Variants in TAP1 observed in about 807,000 individuals in gnomAD.
TAP1 encodes the protein antigen peptide transporter 1.
A neutral mutation model predicts 79.3 loss-of-function variants in TAP1; 56 were observed. That is an observed-to-expected ratio of 0.71 (90% CI 0.57 to 0.88). The LOEUF (loss-of-function observed/expected upper bound fraction) is 0.88, where lower values mean the gene tolerates loss of function less well. Among genes scored for constraint, TAP1 ranks in the 40% least tolerant of loss-of-function variants. The pLI is 0.00. For synonymous variants in TAP1, 355 were observed against 401.4 expected, an observed-to-expected ratio of 0.88 and a Z score of 1.38; for missense variants, 737 against 936.3, an observed-to-expected ratio of 0.79 and a Z score of 2.78.
chr6:32,853,318 G>A lies in TAP1; in HGVS notation c.319C>T (p.Leu107=). Residue 107 remains leucine, a synonymous_variant, in exon 1 of 11, where the codon CTG becomes TTG. Transcript: ENST00000354258. The surrounding 1 kb of genome is among the most constrained non-coding windows in gnomAD (Gnocchi z 8.3). ...TCTCGGAACAAGGCAAGTCCCGGCA[G>A]GGCCAAGCCCAGTGCCGCAGCTAAT... is the stretch of plus-strand genomic sequence containing the variant. ...KPLAAALGLA[L]PGLALFRELI... 6.3e-7 allele frequency: 1 copy of A among 1,580,278 alleles called. No homozygotes were observed. Among genetic ancestry groups the A allele is most frequent in the South Asian group, 1.1e-5 (1 of 87,804 alleles).
At position 32,845,823 on chromosome 6, in the gene TAP1, C is replaced by T; in HGVS notation, c.2041-38G>A. 1 of 1,576,382 alleles carries T rather than the reference C, an allele frequency of 6.3e-7. No individual in the cohort carries two copies. The highest frequency in any genetic ancestry group is 8.6e-7 in the Non-Finnish European group (1 of 1,156,966). ...ATCGGACCGTCAGAGCCGGGGACTA[C>T]CCTCAGCCCAGGGAGACACCTGTGT... is the stretch of plus-strand genomic sequence containing the variant. On this transcript the variant is annotated intron_variant, in intron 10 of 10. Coordinates refer to ENST00000354258, the MANE Select transcript of TAP1 (RefSeq NM_000593.6). This position sits in a 1 kb window ranked among gnomAD's most constrained non-coding sequence, Gnocchi z 4.5.
rs781034868 is a variant in TAP1 at position 32,849,133 on chromosome 6, CA to C, written c.1249-16del. On this transcript the variant is annotated splice_polypyrimidine_tract_variant and intron_variant, in intron 5 of 10. Coordinates refer to ENST00000354258, the MANE Select transcript of TAP1 (RefSeq NM_000593.6). ...ATACCTGAAATCTATAAAGAGACCACAAAAAAAGGGACTGAGGTAGAGAAAT... is the reference window on the plus strand; with the variant it reads ...ATACCTGAAATCTATAAAGAGACCACAAAAAAGGGACTGAGGTAGAGAAAT... 10 of 1,568,468 alleles carry C rather than the reference CA, an allele frequency of 6.4e-6. No homozygotes were observed. The highest frequency in any genetic ancestry group is 4.7e-5 in the South Asian group (4 of 85,590).
At chr6:32,849,997 T>G (rs2395269) in intron 5 of TAP1, 72,799 of 469,180 alleles carry the variant, frequency 0.16, 6,328 homozygotes, top group South Asian at 0.27. Context: ...CATGAAGCAG[T>G]CCCAGGTGCA....
rs1227126352 is a variant in TAP1 at position 32,853,311 on chromosome 6, C to A, written c.326G>T (p.Gly109Val). 1 of 1,579,228 alleles carries A rather than the reference C, an allele frequency of 6.3e-7. No individual in the cohort carries two copies. Among genetic ancestry groups the A allele is most frequent in the Non-Finnish European group, 8.6e-7 (1 of 1,162,086 alleles). Residue 109 changes from glycine (G) to valine (V), a missense_variant, in exon 1 of 11, where the codon GGA becomes GTA. Gly to Val is a moderately radical substitution (Grantham distance 109, BLOSUM62 -3). Coordinates refer to ENST00000354258, the MANE Select transcript of TAP1 (RefSeq NM_000593.6). This position sits in a 1 kb window ranked among gnomAD's most constrained non-coding sequence, Gnocchi z 8.3. ...LAAALGLALP[G>V]LALFRELISW... is the part of the protein sequence containing the mutation. ...GATCAGCTCTCGGAACAAGGCAAGT[C>A]CCGGCAGGGCCAAGCCCAGTGCCGC...
In TAP1 at chr6:32,851,924, T is replaced by TGTGAGAGAGAGAGAGAGAGA. The variant is rs1554246364; in HGVS notation, c.844+184_844+185insTCTCTCTCTCTCTCTCTCAC. Among the ~76,000 whole-genome samples, 12 of 147,436 alleles carry TGTGAGAGAGAGAGAGAGAGA rather than the reference T, an allele frequency of 8.1e-5. No individual in the cohort carries two copies. Among genetic ancestry groups the TGTGAGAGAGAGAGAGAGAGA allele is most frequent in the Non-Finnish European group, 1.5e-4 (10 of 66,856 alleles). ...AAAAACAATTGTGTGTGTGTGTGTG[T>TGTGAGAGAGAGAGAGAGAGA]GAGAGAGAGAGAGAGAGAGACAGAG... On this transcript the variant is annotated intron_variant, in intron 3 of 10. Coordinates refer to ENST00000354258, the MANE Select transcript of TAP1 (RefSeq NM_000593.6). The surrounding 1 kb of genome is among the most constrained non-coding windows in gnomAD (Gnocchi z 4.8).
chr6:32,850,905 T>G lies in TAP1; in HGVS notation c.1050+39A>C, dbSNP rs1304099533. 1.9e-6 allele frequency: 3 copies of G among 1,573,710 alleles called. No individual in the cohort carries two copies. In the South Asian group the frequency reaches 3.3e-5, roughly 17 times the overall value. Reference sequence around the variant, plus strand: ...AACTGAGTCTGCCAAGTCTGGGAGATGAGGGTCTGTGTAGAGCGGGCCAAC... The same window carrying G: ...AACTGAGTCTGCCAAGTCTGGGAGAGGAGGGTCTGTGTAGAGCGGGCCAAC... On this transcript the variant is annotated intron_variant, in intron 4 of 10. Transcript: ENST00000354258. The surrounding 1 kb of genome is among the most constrained non-coding windows in gnomAD (Gnocchi z 5.5).
intron 10 of TAP1, 68 bp downstream of exon 10, chr6:32,846,979 ATAATTATGATGTTAGTAAAAC>A: frequency 2.5e-5 from 40 of 1,585,022 alleles, no homozygotes; most frequent in Non-Finnish European, 3.3e-5. Flanking sequence ...ACTGGTTTGT[ATAATTATGATGTTAGTAAAAC>A]TAACAGAAGA....
chr6:32,845,729 G>A lies in TAP1; in HGVS notation c.2097C>T (p.Ile699=). ...PERYSRSVLL[I]TQHLSLVEQA... is the part of the protein sequence containing the mutation. ...GCTCCACCAGGCTGAGGTGCTGGGTGATGAGAAGCACTGAGCGGGAGTACC... is the reference window on the plus strand; with the variant it reads ...GCTCCACCAGGCTGAGGTGCTGGGTAATGAGAAGCACTGAGCGGGAGTACC... The change falls in exon 11 of 11, where the codon ATC becomes ATT. Residue 699 remains isoleucine (I), a synonymous_variant. Transcript: ENST00000354258. The surrounding 1 kb of genome is among the most constrained non-coding windows in gnomAD (Gnocchi z 4.5). 1 of 1,613,018 alleles carries A rather than the reference G, an allele frequency of 6.2e-7. No homozygotes were observed. Among genetic ancestry groups the A allele is most frequent in the Non-Finnish European group, 8.5e-7 (1 of 1,180,036 alleles).
chr6:32,853,138 C>A lies in TAP1; in HGVS notation c.499G>T (p.Gly167Cys). Residue 167 changes from glycine (G) to cysteine (C), a missense_variant, in exon 1 of 11, where the codon GGC becomes TGC. By Grantham distance (159) the Gly-to-Cys change is radical. Around this residue, in one of 5 missense-constraint regions of TAP1, gnomAD observed 406 missense variants for 477.2 expected, o/e 0.85. Coordinates refer to ENST00000354258, the MANE Select transcript of TAP1 (RefSeq NM_000593.6). The surrounding 1 kb of genome is among the most constrained non-coding windows in gnomAD (Gnocchi z 8.3). ...CGACGCACAGGGTTTCCAGAGCCGC[C>A]CTGACCGCCGGGCACCCAGAGGCTC... is the stretch of plus-strand genomic sequence containing the variant. ...LGSLWVPGGQ[G>C]GSGNPVRRLL... 1 of 1,612,710 alleles carries A rather than the reference C, an allele frequency of 6.2e-7. No individual in the cohort carries two copies. Among genetic ancestry groups the A allele is most frequent in the Non-Finnish European group, 8.5e-7 (1 of 1,179,924 alleles).
chr6:32,853,692 T>TGG lies in TAP1; in HGVS notation c.-58_-57dup, dbSNP rs1252727995. 1 of 1,572,504 alleles carries TGG rather than the reference T, an allele frequency of 6.4e-7. No individual in the cohort carries two copies. The highest frequency in any genetic ancestry group is 8.6e-7 in the Non-Finnish European group (1 of 1,162,362). ...GGGCCTGGGACTCTCCGCGCCCCGG[T>TGG]GGGGCCTGAAGCTCCGGGTACCGCC... On this transcript the variant is annotated 5_prime_UTR_variant, in exon 1 of 11. Coordinates refer to ENST00000354258, the MANE Select transcript of TAP1 (RefSeq NM_000593.6). The surrounding 1 kb of genome is among the most constrained non-coding windows in gnomAD (Gnocchi z 8.3).
rs769953762 is a variant in TAP1, at chr6:32,852,990, C to T, written c.598+49G>A. 8.3e-5 allele frequency: 129 copies of T among 1,561,698 alleles called. No individual in the cohort carries two copies. The highest frequency in any genetic ancestry group is 1.1e-4 in the Non-Finnish European group (124 of 1,157,270). On this transcript the variant is annotated intron_variant, in intron 1 of 10. Transcript: ENST00000354258. The surrounding 1 kb of genome is among the most constrained non-coding windows in gnomAD (Gnocchi z 4.8). The stretch of plus-strand genomic sequence containing the variant: ...CCTTACTGACAATTACCTTTGATTC[C>T]TGTCCCAGTCCCCTTGTGTCCTCCC...
chr6:32,851,782 G>A lies in TAP1; in HGVS notation c.844+327C>T, dbSNP rs1040855994. ...AAAATTTCCAGGTTTGAAATTCTAT[G>A]GTTTCTATCTAAGGATACATAGGAA... On this transcript the variant is annotated intron_variant, in intron 3 of 10. Coordinates refer to ENST00000354258, the MANE Select transcript of TAP1 (RefSeq NM_000593.6). The surrounding 1 kb of genome is among the most constrained non-coding windows in gnomAD (Gnocchi z 4.8). Among the ~76,000 whole-genome samples, 1 of 152,090 alleles carries A rather than the reference G, an allele frequency of 6.6e-6. No homozygotes were observed. The highest frequency in any genetic ancestry group is 6.6e-5 in the Admixed American group (1 of 15,266).
rs544350897 is a variant in TAP1, at chr6:32,850,426, G to A, written c.1142C>T (p.Ala381Val). Residue 381 changes from alanine (A) to valine (V), a missense_variant, in exon 5 of 11, where the codon GCC becomes GTC. Transcript: ENST00000354258. This position sits in a 1 kb window ranked among gnomAD's most constrained non-coding sequence, Gnocchi z 5.5. ...LSAMPTVRSF[A>V]NEEGEAQKFR... is the part of the protein sequence containing the mutation. ...CTTCTGGGCTTCGCCCTCCTCGTTG[G>A]CAAAGCTTCGAACTGTAGGCATGGC... The A allele has an allele frequency of 6.2e-7, 1 of 1,614,172 alleles. No individual in the cohort carries two copies. Among genetic ancestry groups the A allele is most frequent in the East Asian group, 2.2e-5 (1 of 44,884 alleles).
In TAP1 at chr6:32,852,705, G is replaced by T. The variant is rs548922738; in HGVS notation, c.599-203C>A. 2 of 1,463,926 alleles carry T rather than the reference G, an allele frequency of 1.4e-6. No homozygotes were observed. The highest frequency in any genetic ancestry group is 1.8e-6 in the Non-Finnish European group (2 of 1,114,130). 90.7% of individuals were successfully genotyped at this position (1,463,926 alleles called of 1,614,324 possible). ...GTGGTTGCTCTACCAGAACTTTCAG[G>T]ATTTTATTAGGAAGGCTGGAGATCA... On this transcript the variant is annotated intron_variant, in intron 1 of 10. Coordinates refer to ENST00000354258, the MANE Select transcript of TAP1 (RefSeq NM_000593.6). This position sits in a 1 kb window ranked among gnomAD's most constrained non-coding sequence, Gnocchi z 4.8.
chr6:32,847,697 A>G lies in TAP1; in HGVS notation c.1741-22T>C, dbSNP rs1770522344. 1.9e-6 allele frequency: 3 copies of G among 1,613,156 alleles called. No homozygotes were observed. In the East Asian group the frequency reaches 6.7e-5, roughly 36 times the overall value. ...CCACCTGAGATGAAATATGATGAAGAGTCATAGAACAAGGCACATGGGAGT... is the reference window on the plus strand; with the variant it reads ...CCACCTGAGATGAAATATGATGAAGGGTCATAGAACAAGGCACATGGGAGT... On this transcript the variant is annotated intron_variant, in intron 8 of 10. Transcript: ENST00000354258. The surrounding 1 kb of genome is among the most constrained non-coding windows in gnomAD (Gnocchi z 4.7).
At position 32,852,924 on chromosome 6, in the gene TAP1, CCTT is replaced by C. The variant is rs1770882077; in HGVS notation, c.598+112_598+114del. ...GTGTTCCAAGACCCACGCTAGGAGT[CCTT>C]CTCCTGCTCCACATTTCCCAGAACC... On this transcript the variant is annotated intron_variant, in intron 1 of 10. Transcript: ENST00000354258. The surrounding 1 kb of genome is among the most constrained non-coding windows in gnomAD (Gnocchi z 4.8). The C allele has an allele frequency of 6.7e-7, 1 of 1,487,016 alleles. No individual in the cohort carries two copies. Among genetic ancestry groups the C allele is most frequent in the Non-Finnish European group, 8.9e-7 (1 of 1,117,388 alleles). 92.1% of individuals were successfully genotyped at this position (1,487,016 alleles called of 1,614,324 possible).
Position 32,847,240 on chromosome 6 carries a change from C to A in TAP1, c.1904-36G>T, listed in dbSNP as rs759694410. The A allele has an allele frequency of 6.2e-7, 1 of 1,607,188 alleles. No individual in the cohort carries two copies. On this transcript the variant is annotated intron_variant, in intron 9 of 10. Coordinates refer to ENST00000354258, the MANE Select transcript of TAP1 (RefSeq NM_000593.6). This position sits in a 1 kb window ranked among gnomAD's most constrained non-coding sequence, Gnocchi z 4.7. ...AAGGGCCAAGATGAGAACGGTATAG[C>A]CACATGTGTGCACGCATGTACATGC...
At position 32,851,135 on chromosome 6, in the gene TAP1, G is replaced by A. The variant is rs779306745; in HGVS notation, c.859C>T (p.Arg287Trp). Reference protein sequence around the residue: ...QQNQTGNIMSRVTEDTSTLSD... With the variant: ...QQNQTGNIMSWVTEDTSTLSD... ...AGGGTGGACGTGTCCTCTGTTACCC[G>A]AGACATGATGTTACCTGCAGGGTTG... Residue 287 changes from arginine to tryptophan, a missense_variant, in exon 4 of 11, where the codon CGG (arginine) becomes TGG (tryptophan). Transcript: ENST00000354258. The surrounding 1 kb of genome is among the most constrained non-coding windows in gnomAD (Gnocchi z 4.8). 29 of 1,612,806 alleles carry A rather than the reference G, an allele frequency of 1.8e-5. No homozygotes were observed. Among genetic ancestry groups the A allele is most frequent in the Non-Finnish European group, 2.3e-5 (27 of 1,179,992 alleles).
In TAP1 at chr6:32,851,143, ATGTTACC is replaced by A; in HGVS notation, c.845-1_850del. 6.2e-7 allele frequency: 1 copy of A among 1,612,916 alleles called. No individual in the cohort carries two copies. Among genetic ancestry groups the A allele is most frequent in the Non-Finnish European group, 8.5e-7 (1 of 1,179,990 alleles). On this transcript the variant is annotated splice_acceptor_variant and coding_sequence_variant, in exon 4 of 11. Transcript: ENST00000354258. LOFTEE classifies it high-confidence loss of function. The surrounding 1 kb of genome is among the most constrained non-coding windows in gnomAD (Gnocchi z 4.8). ...CGTGTCCTCTGTTACCCGAGACATG[ATGTTACC>A]TGCAGGGTTGGGGAGAAGAGAGTGA...
Sources: allele counts gnomAD v4.1 joint callset (sites outside exome capture counted in the v4.1 genomes callset), GRCh38; gene constraint gnomAD v4.1.1; regional missense constraint gnomAD v4.1.1; non-coding constraint Gnocchi (gnomAD v3.1); transcripts MANE v1.5; gene names NCBI Gene and HGNC (gene_info 2026-07-23, HGNC 2026-07-21).